COL25A1: variants seen among roughly 807,000 people sequenced by gnomAD.
The protein encoded by COL25A1 is collagen alpha-1(XXV) chain.
Under a neutral mutation model 128.4 loss-of-function variants are expected in COL25A1, and 103 were observed. That is an observed-to-expected ratio of 0.80 (90% CI 0.68 to 0.94). The LOEUF is 0.94. COL25A1 is among the 40% of genes least tolerant of loss of function. COL25A1 has a pLI of 0.00. For synonymous variants in COL25A1, 279 were observed against 277.2 expected (o/e 1.01, Z -0.06); for missense variants, 745 against 840.0 (o/e 0.89, Z 1.40).
intron 6 of COL25A1, among the ~76,000 whole-genome samples, chr4:108,975,889 A>C (rs931544872): frequency 1.3e-5 from 2 of 152,036 alleles, no homozygotes; most frequent in East Asian, 1.9e-4. Context: ...TATCTATTAT[A>C]TATTATATAT....
rs1560593898 is a variant in COL25A1, at chr4:109,047,728, C to CCTTTT, written c.420+439_420+440insAAAAG. 3.0e-5 allele frequency among the ~76,000 whole-genome samples: 4 copies of CCTTTT among 132,194 alleles called. 2 individuals are homozygous for CCTTTT. The allele number at this position is 132,194 out of a possible 152,430, so 86.7% of individuals were successfully genotyped here. On this transcript the variant is annotated intron_variant, in intron 5 of 37. Transcript: ENST00000399132. ...TAATTTTCCAAACTTTAAGTATACT[C>CCTTTT]TTTTTTTTTTTTTTTTTTTTTTTAG...
chr4:109,058,023 G>C (rs572731548), intron 3 of COL25A1, among the ~76,000 whole-genome samples: 3 of 152,230 alleles, frequency 2.0e-5, no homozygotes, highest in Admixed American at 2.0e-4. Flanking sequence ...TTTGTTTCCA[G>C]AAATGGAATT....
chr4:109,058,204 C>T (rs1761621718), intron 3 of COL25A1, among the ~76,000 whole-genome samples: 1 of 152,152 alleles, frequency 6.6e-6, no homozygotes, highest in South Asian at 2.1e-4. Flanking sequence ...TTTTCCCACA[C>T]ATAAAGTGTT....
Position 109,022,326 on chromosome 4 carries a change from T to C in COL25A1, c.421-11951A>G, listed in dbSNP as rs201790234. On this transcript the variant is annotated intron_variant, in intron 5 of 37. Transcript: ENST00000399132. Reference sequence around the variant, plus strand: ...TCCCCCGATATTTCACGATCCATGATATCAACCATCTTAAAGGATAAGATG... The same window carrying C: ...TCCCCCGATATTTCACGATCCATGACATCAACCATCTTAAAGGATAAGATG... 22 of 333,562 alleles carry C rather than the reference T, an allele frequency of 6.6e-5. No individual in the cohort carries two copies. The East Asian group carries it at 1.7e-3, about 25-fold the overall frequency. 20.7% of individuals were successfully genotyped at this position (333,562 alleles called of 1,614,324 possible). A position where few individuals can be genotyped will look rare whatever the true frequency, so the allele number is the denominator to read the frequency against.
At chr4:109,224,774 T>C (rs1264291191) in intron 3 of COL25A1, among the ~76,000 whole-genome samples, 1 of 152,052 alleles carries the variant, frequency 6.6e-6, no homozygotes, top group Non-Finnish European at 1.5e-5. Context: ...ACCCCATCTC[T>C]ACTAAAAATA....
At chr4:109,066,479 T>C (rs80354834) in intron 3 of COL25A1, among the ~76,000 whole-genome samples, 3,472 of 152,294 alleles carry the variant, frequency 0.023, 160 homozygotes, top group African/African-American at 0.078. Context: ...TTACAGCACA[T>C]ATCATGTTGT....
chr4:109,276,911 T>G (rs1722906617), intron 3 of COL25A1, among the ~76,000 whole-genome samples: 1 of 152,184 alleles, frequency 6.6e-6, no homozygotes, highest in South Asian at 2.1e-4. Flanking sequence ...ACCACCACGC[T>G]TTCCTTAACA....
At chr4:109,008,838 G>A (rs1438788285) in intron 6 of COL25A1, among the ~76,000 whole-genome samples, 2 of 152,138 alleles carry the variant, frequency 1.3e-5, no homozygotes, top group African/African-American at 2.4e-5. Flanking sequence ...CATGCAAGCT[G>A]AGTACGGTGG....
chr4:108,847,231 A>G (rs1033210317), intron 27 of COL25A1, among the ~76,000 whole-genome samples: 2 of 152,060 alleles, frequency 1.3e-5, no homozygotes, highest in Non-Finnish European at 2.9e-5. Flanking sequence ...TAATATTGAC[A>G]TTAATTTATA....
chr4:108,829,546 T>C (rs1732835231), intron 32 of COL25A1, among the ~76,000 whole-genome samples: 1 of 152,114 alleles, frequency 6.6e-6, no homozygotes, highest in African/African-American at 2.4e-5. Context: ...TTGAAATAAC[T>C]GAAATAACTC....
In COL25A1 at chr4:108,811,171, A is replaced by G. The variant is rs141752276; in HGVS notation, c.*2756T>C. 3.5e-4 allele frequency: 53 copies of G among 152,238 alleles called. No homozygotes were observed. The highest frequency in any genetic ancestry group is 1.2e-3 in the African/African-American group (49 of 41,592). The allele number at this position is 152,238 out of a possible 1,614,324, so 9.4% of individuals were successfully genotyped here. On this transcript the variant is annotated 3_prime_UTR_variant, in exon 38 of 38. Coordinates refer to ENST00000399132, the MANE Select transcript of COL25A1 (RefSeq NM_198721.4). ...CTTAGAAATTATTTAAGAATTCTCTATATGACAAAATGGATGCTTGAAAAC... is the reference window on the plus strand; with the variant it reads ...CTTAGAAATTATTTAAGAATTCTCTGTATGACAAAATGGATGCTTGAAAAC...
In COL25A1 at chr4:108,945,872, C is replaced by T. The variant is rs528289756; in HGVS notation, c.493-4435G>A. The stretch of plus-strand genomic sequence containing the variant: ...TAGAAATGGGGTTTCACCATGTTGC[C>T]CAGGCTGGTCTCGAACTCCTGACCT... On this transcript the variant is annotated intron_variant, in intron 8 of 37. Coordinates refer to ENST00000399132, the MANE Select transcript of COL25A1 (RefSeq NM_198721.4). 1.1e-4 allele frequency among the ~76,000 whole-genome samples: 16 copies of T among 152,132 alleles called. No individual in the cohort carries two copies. In the East Asian group the frequency reaches 2.5e-3, roughly 24 times the overall value.
chr4:109,243,276 T>C (rs1780028846), intron 3 of COL25A1, among the ~76,000 whole-genome samples: 1 of 152,020 alleles, frequency 6.6e-6, no homozygotes, highest in Non-Finnish European at 1.5e-5. Context: ...CCATGCATCT[T>C]CATGCTATCA....
At chr4:109,039,772 T>C (rs17039688) in intron 5 of COL25A1, among the ~76,000 whole-genome samples, 3,155 of 152,324 alleles carry the variant, frequency 0.021, 67 homozygotes, top group African/African-American at 0.055. Context: ...AATGAATCAG[T>C]GTGTGAATAT....
At chr4:108,835,553 A>G (rs1733674038) in intron 31 of COL25A1, among the ~76,000 whole-genome samples, 1 of 150,116 alleles carries the variant, frequency 6.7e-6, no homozygotes, top group African/African-American at 2.5e-5. Flanking sequence ...TGCAAAATAC[A>G]TACATTCTTT....
intron 3 of COL25A1, among the ~76,000 whole-genome samples, chr4:109,258,283 T>G (rs1781206045): frequency 6.6e-6 from 1 of 152,336 alleles, no homozygotes. Context: ...CCATACAGTA[T>G]TCATCCATAC....
At chr4:109,240,851 A>T (rs1779852777) in intron 3 of COL25A1, among the ~76,000 whole-genome samples, 1 of 152,108 alleles carries the variant, frequency 6.6e-6, no homozygotes, top group Non-Finnish European at 1.5e-5. Flanking sequence ...GGAGTTCATT[A>T]AGTTCAACAA....
At chr4:108,873,145 TGCCTCCCAAAGCAC>T (rs1738976519) in intron 19 of COL25A1, among the ~76,000 whole-genome samples, 1 of 152,144 alleles carries the variant, frequency 6.6e-6, no homozygotes, top group East Asian at 1.9e-4. Flanking sequence ...CTCCTGCCTT[TGCCTCCCAAAGCAC>T]TGGGATTACA....
rs1741284668 is a variant in COL25A1 at position 108,889,876 on chromosome 4, C to A, written c.907-143G>T. 6.2e-6 allele frequency: 4 copies of A among 648,820 alleles called. No homozygotes were observed. In the South Asian group the frequency reaches 7.8e-5, roughly 13 times the overall value. The allele number at this position is 648,820 out of a possible 1,614,324, so 40.2% of individuals were successfully genotyped here. A position where few individuals can be genotyped will look rare whatever the true frequency, so the allele number is the denominator to read the frequency against. On this transcript the variant is annotated intron_variant, in intron 16 of 37. Coordinates refer to ENST00000399132, the MANE Select transcript of COL25A1 (RefSeq NM_198721.4). ...TAACTACGTTCCAGAAGACTTTGTA[C>A]CAACATCTCAGCTGTTAAGATCTAC...
Sources: gnomAD v4.1 joint callset for allele counts (sites outside exome capture counted in the v4.1 genomes callset) on GRCh38, gnomAD v4.1.1 for gene constraint, MANE v1.5 for transcripts, NCBI Gene and HGNC (gene_info 2026-07-23, HGNC 2026-07-21) for gene names.